Variants in MBD2 observed in about 807,000 individuals in gnomAD.
The protein encoded by MBD2 is methyl-CpG binding domain protein 2.
A neutral mutation model predicts 39.3 loss-of-function variants in MBD2; 9 were observed. The observed-to-expected ratio is 0.23, with a 90% CI of 0.14 to 0.40. MBD2 has a LOEUF of 0.40. Among genes scored for constraint, MBD2 ranks in the 10% least tolerant of loss-of-function variants. The probability of loss-of-function intolerance (pLI) is 1.00; values close to 1 mark genes in which losing one functional copy is unlikely to be tolerated. For synonymous variants in MBD2, 233 were observed against 211.1 expected, an observed-to-expected ratio of 1.10 and a Z score of -0.90; for missense variants, 458 against 532.6, an observed-to-expected ratio of 0.86 and a Z score of 1.38.
At chr18:54,201,399 G>A (rs1306421921) in intron 2 of MBD2, among the ~76,000 whole-genome samples, 3 of 152,086 alleles carry the variant, frequency 2.0e-5, no homozygotes, top group Non-Finnish European at 2.9e-5. Context: ...AAATCAATAA[G>A]GTATAATGTA....
At chr18:54,168,613 TTGTGTGTGTGTGTGTGTGTGTGTG>T (rs60604906) in intron 3 of MBD2, among the ~76,000 whole-genome samples, 3 of 117,122 alleles carry the variant, frequency 2.6e-5, no homozygotes, top group African/African-American at 3.6e-5. Context: ...GTATGCATAT[TTGTGTGTGTGTGTGTGTGTGTGTG>T]TGTGTGTGTG....
intron 3 of MBD2, among the ~76,000 whole-genome samples, chr18:54,175,461 ATCT>A (rs1188276831): frequency 1.2e-4 from 19 of 152,144 alleles, no homozygotes; most frequent in African/African-American, 4.6e-4. Context: ...TCCTGATCAC[ATCT>A]TCTACCTCCT....
chr18:54,203,803 T>C (rs2086427281), intron 2 of MBD2, among the ~76,000 whole-genome samples: 1 of 152,154 alleles, frequency 6.6e-6, no homozygotes, highest in African/African-American at 2.4e-5. Flanking sequence ...CCAAGGTGGC[T>C]TGGTGCTCAG....
In MBD2 at chr18:54,152,419, T is replaced by C. The variant is rs2086027469; in HGVS notation, c.*2905A>G. ...CAGGGATCAGATCAAGAAGAGCCTT[T>C]TGACCATTCTTCCATTTATTCAGCA... On this transcript the variant is annotated 3_prime_UTR_variant, in exon 7 of 7. Coordinates refer to ENST00000256429, the MANE Select transcript of MBD2 (RefSeq NM_003927.5). 1 of 152,230 alleles carries C rather than the reference T, an allele frequency of 6.6e-6. No individual in the cohort carries two copies. Among genetic ancestry groups the C allele is most frequent in the South Asian group, 2.1e-4 (1 of 4,832 alleles). The allele number at this position is 152,230 out of a possible 1,614,324, so 9.4% of individuals were successfully genotyped here.
chr18:54,170,630 G>A (rs546797697), intron 3 of MBD2, among the ~76,000 whole-genome samples: 44 of 152,208 alleles, frequency 2.9e-4, no homozygotes, highest in Non-Finnish European at 5.9e-4. Flanking sequence ...CTCTTTGAAT[G>A]CCCATGATAT....
intron 5 of MBD2, among the ~76,000 whole-genome samples, 180 bp downstream of exon 5, chr18:54,164,343 T>C (rs2086115724): frequency 6.6e-6 from 1 of 152,238 alleles, no homozygotes; most frequent in African/African-American, 2.4e-5. Flanking sequence ...CAAGCATGTA[T>C]TTGTTATAAT....
At chr18:54,182,844 A>C (rs1052293232) in intron 3 of MBD2, among the ~76,000 whole-genome samples, 1 of 152,088 alleles carries the variant, frequency 6.6e-6, no homozygotes, top group Non-Finnish European at 1.5e-5. Flanking sequence ...AGGTGGGAGC[A>C]TCACTTGAGC....
chr18:54,191,157 A>G (rs1222125641), intron 2 of MBD2, among the ~76,000 whole-genome samples: 1 of 152,204 alleles, frequency 6.6e-6, no homozygotes, highest in Non-Finnish European at 1.5e-5. Context: ...CTCAAGCCTG[A>G]GCATGCATCA....
At chr18:54,197,001 AAAG>A (rs1464398379) in intron 2 of MBD2, among the ~76,000 whole-genome samples, 3 of 152,370 alleles carry the variant, frequency 2.0e-5, no homozygotes, top group East Asian at 3.9e-4. Flanking sequence ...TTCATTAGCT[AAAG>A]AATATCAGCT....
At chr18:54,214,625 G>A (rs1006471045) in intron 1 of MBD2, among the ~76,000 whole-genome samples, 5 of 152,040 alleles carry the variant, frequency 3.3e-5, no homozygotes, top group Admixed American at 3.3e-4. Context: ...TTCTATTTCT[G>A]TTGGCTAATT....
intron 1 of MBD2, chr18:54,222,519 T>C (rs1320420282): frequency 3.0e-6 from 1 of 329,192 alleles, no homozygotes; most frequent in African/African-American, 2.2e-5. Context: ...TTTCACTCTA[T>C]TGCCCAGGCA....
chr18:54,200,833 A>G (rs1285835855), intron 2 of MBD2, among the ~76,000 whole-genome samples: 1 of 152,144 alleles, frequency 6.6e-6, no homozygotes. Flanking sequence ...TAATCCCAGC[A>G]CTTTGGGAGG....
In MBD2 at chr18:54,209,297, CAAAAAA is replaced by C. The variant is rs34165824; in HGVS notation, c.543-4146_543-4141del. Among the ~76,000 whole-genome samples, 16 of 67,602 alleles carry C rather than the reference CAAAAAA, an allele frequency of 2.4e-4. No homozygotes were observed. In the South Asian group the frequency reaches 3.9e-3, roughly 16 times the overall value. 44.3% of individuals were successfully genotyped at this position (67,602 alleles called of 152,430 possible). A position where few individuals can be genotyped will look rare whatever the true frequency, so the allele number is the denominator to read the frequency against. On this transcript the variant is annotated intron_variant, in intron 1 of 6. Coordinates refer to ENST00000256429, the MANE Select transcript of MBD2 (RefSeq NM_003927.5). ...GGGCAACAGAGTGAGACTCCATCTC[CAAAAAA>C]AAAAAAAAAAAAAAAAAGGAAGGTA...
chr18:54,196,292 A>C (rs2086366196), intron 2 of MBD2, among the ~76,000 whole-genome samples: 1 of 152,186 alleles, frequency 6.6e-6, no homozygotes, highest in South Asian at 2.1e-4. Flanking sequence ...TGGATGGAGT[A>C]TACTTTGAGC....
At chr18:54,166,712 G>A (rs1568079313) in intron 3 of MBD2, among the ~76,000 whole-genome samples, 2 of 152,132 alleles carry the variant, frequency 1.3e-5, no homozygotes, top group Admixed American at 6.5e-5. Context: ...TTTTTAAACT[G>A]GATGTCACAT....
At chr18:54,210,117 C>G (rs2086490014) in intron 1 of MBD2, among the ~76,000 whole-genome samples, 1 of 152,026 alleles carries the variant, frequency 6.6e-6, no homozygotes, top group African/African-American at 2.4e-5. Context: ...CTACCAACTG[C>G]CCCCTAGATA....
Position 54,224,223 on chromosome 18 carries a change from C to CGCCGCA in MBD2, c.331_336dup (p.Cys111_Gly112dup). The CGCCGCA allele has an allele frequency of 9.5e-7, 1 of 1,053,822 alleles. No homozygotes were observed. Among genetic ancestry groups the CGCCGCA allele is most frequent in the Non-Finnish European group, 1.1e-6 (1 of 875,450 alleles). The allele number at this position is 1,053,822 out of a possible 1,614,324, so 65.3% of individuals were successfully genotyped here. On this transcript the variant is annotated inframe_insertion, in exon 1 of 7. Coordinates refer to ENST00000256429, the MANE Select transcript of MBD2 (RefSeq NM_003927.5). ...GCGCCGCCGCCACCGCTGCCGCCGC[C>CGCCGCA]GCCGCAGCCGCCGCCGTCGCCGCCA... is the stretch of plus-strand genomic sequence containing the variant.
chr18:54,190,230 A>G (rs970377294), intron 2 of MBD2, among the ~76,000 whole-genome samples: 1 of 152,066 alleles, frequency 6.6e-6, no homozygotes, highest in African/African-American at 2.4e-5. Flanking sequence ...GTTTTGTTCA[A>G]TGTCATTTTG....
chr18:54,204,947 T>C (rs760840572), intron 2 of MBD2, 51 bp downstream of exon 2: 3 of 1,558,370 alleles, frequency 1.9e-6, no homozygotes, highest in Non-Finnish European at 2.6e-6. Flanking sequence ...TGAGATACTT[T>C]TTGAAGAGCT....
Sources: gnomAD v4.1 joint callset for allele counts (sites outside exome capture counted in the v4.1 genomes callset) on GRCh38, gnomAD v4.1.1 for gene constraint, MANE v1.5 for transcripts, NCBI Gene and HGNC (gene_info 2026-07-23, HGNC 2026-07-21) for gene names.